The following ERBIN variants were observed in gnomAD, a reference collection of about 807,000 sequenced individuals.
ERBIN encodes erbb2 interacting protein.
Under a neutral mutation model 158.4 loss-of-function variants are expected in ERBIN, and 60 were observed. That is an observed-to-expected ratio of 0.38 (90% CI 0.31 to 0.47). The LOEUF (loss-of-function observed/expected upper bound fraction) is 0.47, where lower values mean the gene tolerates loss of function less well. Among genes scored for constraint, ERBIN ranks in the 20% least tolerant of loss-of-function variants. The pLI, the probability that ERBIN is intolerant of heterozygous loss-of-function variation, is 0.99. For missense variants in ERBIN, 1,610 were observed against 1,648.0 expected (o/e 0.98, Z 0.40); for synonymous variants, 594 against 557.2 (o/e 1.07, Z -0.93).
At chr5:66,023,438 A>T in intron 9 of ERBIN, 74 bp downstream of exon 9, 2 of 864,432 alleles carry the variant, frequency 2.3e-6, no homozygotes, top group East Asian at 2.7e-5. Context: ...TGTACCTTTT[A>T]TAATTACTTT....
intron 1 of ERBIN, among the ~76,000 whole-genome samples, chr5:65,932,772 A>G (rs2150841753): frequency 6.6e-6 from 1 of 152,170 alleles, no homozygotes; most frequent in African/African-American, 2.4e-5. Flanking sequence ...AGTTTCTAAG[A>G]ATTCTAGTTT....
At chr5:66,075,444 T>C (rs972187403) in intron 23 of ERBIN, among the ~76,000 whole-genome samples, 1 of 152,230 alleles carries the variant, frequency 6.6e-6, no homozygotes, top group Non-Finnish European at 1.5e-5. Context: ...GGGCATGATT[T>C]ATTTATTCTG....
At chr5:65,983,567 T>C (rs1195862094) in intron 1 of ERBIN, among the ~76,000 whole-genome samples, 2 of 152,226 alleles carry the variant, frequency 1.3e-5, no homozygotes, top group African/African-American at 4.8e-5. Context: ...ATTAGCAACA[T>C]TGTGATAACT....
chr5:66,070,137 C>T (rs1244847615), intron 21 of ERBIN, among the ~76,000 whole-genome samples: 1 of 151,996 alleles, frequency 6.6e-6, no homozygotes, highest in East Asian at 1.9e-4. Context: ...CTCCGCCTCC[C>T]GAGTTCAAGC....
intron 7 of ERBIN, among the ~76,000 whole-genome samples, 194 bp downstream of exon 7, chr5:66,014,919 T>G (rs1754556803): frequency 1.3e-5 from 2 of 152,194 alleles, no homozygotes; most frequent in South Asian, 4.1e-4. Flanking sequence ...AACGTGGTAC[T>G]GTGTTGGTAA....
At chr5:65,942,530 A>G (rs1250280929) in intron 1 of ERBIN, among the ~76,000 whole-genome samples, 2 of 152,226 alleles carry the variant, frequency 1.3e-5, no homozygotes, top group African/African-American at 2.4e-5. Context: ...GATACAGCTT[A>G]ATTTACAAAA....
chr5:66,029,112 A>G (rs1173905334), intron 14 of ERBIN, among the ~76,000 whole-genome samples: 1 of 152,168 alleles, frequency 6.6e-6, no homozygotes, highest in African/African-American at 2.4e-5. Flanking sequence ...TGCAGTGAAC[A>G]TGGGAGTGCA....
At chr5:65,950,581 T>A (rs953686919) in intron 1 of ERBIN, among the ~76,000 whole-genome samples, 1 of 152,246 alleles carries the variant, frequency 6.6e-6, no homozygotes, top group African/African-American at 2.4e-5. Flanking sequence ...GTTTCTCCAC[T>A]GTAAAGTTAC....
At chr5:66,003,368 A>T (rs1387993847) in intron 4 of ERBIN, among the ~76,000 whole-genome samples, 2 of 151,968 alleles carry the variant, frequency 1.3e-5, no homozygotes, top group Admixed American at 6.5e-5. Flanking sequence ...AAAAAAAAAT[A>T]CAGGATTTGG....
At chr5:65,965,387 T>G (rs1580182465) in intron 1 of ERBIN, among the ~76,000 whole-genome samples, 18 of 5,114 alleles carry the variant, frequency 3.5e-3, no homozygotes, top group East Asian at 0.019. Flanking sequence ...TTGTTGTTTT[T>G]TTTTTTTTTT....
At position 66,053,602 on chromosome 5, in the gene ERBIN, C is replaced by A; in HGVS notation, c.2284C>A (p.His762Asn). Residue 762 changes from histidine (H) to asparagine (N), a missense_variant, in exon 21 of 26, where the codon CAT becomes AAT. Physicochemically the swap from His to Asn is moderately conservative, Grantham distance 68. This residue lies in a region of ERBIN where 1,014 missense variants were observed against 936.1 expected (regional missense o/e 1.08). Coordinates refer to ENST00000284037, the MANE Select transcript of ERBIN (RefSeq NM_001253697.2). ...AGCTGATGACACTCACAAATTAGAT[C>A]ATATCAATATGAATCTTAATAAACT... ...ATADDTHKLDHINMNLNKLIT... is the reference protein window; with the variant it reads ...ATADDTHKLDNINMNLNKLIT... 3 of 1,610,536 alleles carry A rather than the reference C, an allele frequency of 1.9e-6. No homozygotes were observed. The highest frequency in any genetic ancestry group is 2.2e-5 in the South Asian group (2 of 90,644).
intron 1 of ERBIN, among the ~76,000 whole-genome samples, chr5:65,986,512 A>G (rs16894674): frequency 6.6e-6 from 1 of 152,204 alleles, no homozygotes; most frequent in Admixed American, 6.5e-5. Context: ...TTAGTCCTAT[A>G]CCATTTGGCA....
intron 4 of ERBIN, among the ~76,000 whole-genome samples, chr5:66,003,410 A>G (rs1345714359): frequency 6.6e-6 from 1 of 152,200 alleles, no homozygotes. Context: ...AGGTTTCAGA[A>G]AATAACGGTT....
rs1281822079 is a variant in ERBIN, at chr5:66,076,325, A to G, written c.3973A>G (p.Arg1325Gly). The G allele has an allele frequency of 6.2e-7, 1 of 1,612,756 alleles. No homozygotes were observed. Among genetic ancestry groups the G allele is most frequent in the South Asian group, 1.1e-5 (1 of 90,776 alleles). ...TTTCATATTAACTCAGATTCGAGTG[A>G]GGGTTGAAAAGGATCCAGAACTTGG... The part of the protein sequence containing the change: ...HELAKQEIRV[R>G]VEKDPELGFS... The change falls in exon 24 of 26, where the codon AGG becomes GGG. Residue 1325 changes from arginine to glycine, a missense_variant. Transcript: ENST00000284037.
chr5:66,043,671 T>G (rs542316226), intron 16 of ERBIN, among the ~76,000 whole-genome samples: 2 of 152,270 alleles, frequency 1.3e-5, no homozygotes, highest in South Asian at 4.1e-4. Context: ...TAAATACATA[T>G]TTTTTAGTTA....
chr5:66,071,616 A>G (rs1414702400), intron 21 of ERBIN, among the ~76,000 whole-genome samples: 3 of 152,178 alleles, frequency 2.0e-5, no homozygotes, highest in Non-Finnish European at 4.4e-5. Context: ...TCTTATCCCA[A>G]TAAAATAAGT....
At chr5:66,010,177 G>A (rs1032645550) in intron 4 of ERBIN, among the ~76,000 whole-genome samples, 2 of 151,862 alleles carry the variant, frequency 1.3e-5, no homozygotes, top group African/African-American at 4.8e-5. Context: ...TTCCTTTGTC[G>A]TTTTTTGACC....
intron 1 of ERBIN, among the ~76,000 whole-genome samples, chr5:65,987,951 T>G (rs1011240508): frequency 1.3e-5 from 2 of 152,160 alleles, no homozygotes; most frequent in African/African-American, 4.8e-5. Flanking sequence ...GCCATTCGAG[T>G]TTATTTGCTT....
chr5:65,935,722 T>A (rs1743997650), intron 1 of ERBIN, among the ~76,000 whole-genome samples: 1 of 152,068 alleles, frequency 6.6e-6, no homozygotes, highest in Non-Finnish European at 1.5e-5. Flanking sequence ...GCAGTTGTGT[T>A]TTTCTTTTTT....
Sources: gnomAD v4.1 joint callset for allele counts (sites outside exome capture counted in the v4.1 genomes callset) on GRCh38, gnomAD v4.1.1 for gene constraint, gnomAD v4.1.1 regional missense constraint, MANE v1.5 for transcripts, NCBI Gene and HGNC (gene_info 2026-07-23, HGNC 2026-07-21) for gene names.